PRDM11: variants seen among roughly 807,000 people sequenced by gnomAD.
PRDM11 encodes PR domain-containing protein 11.
A neutral mutation model predicts 97.8 loss-of-function variants in PRDM11; 20 were observed. The observed-to-expected ratio is 0.20, with a 90% CI of 0.14 to 0.30. The LOEUF (loss-of-function observed/expected upper bound fraction) is 0.30, where lower values mean the gene tolerates loss of function less well. Ranked by LOEUF, PRDM11 falls within the 10% of genes least tolerant of loss-of-function variation. The pLI is 1.00. For missense variants in PRDM11, 1,139 were observed against 1,555.2 expected, an observed-to-expected ratio of 0.73 and a Z score of 4.50; for synonymous variants, 599 against 637.7, an observed-to-expected ratio of 0.94 and a Z score of 0.91.
intron 5 of PRDM11, chr11:45,209,260 C>T (rs780272491): frequency 2.1e-5 from 8 of 380,140 alleles, no homozygotes; most frequent in South Asian, 5.8e-5. Flanking sequence ...TTCCCCAGGG[C>T]GGAACTGGAT....
chr11:45,181,944 CG>C (rs1852521418), intron 2 of PRDM11, 59 bp downstream of exon 2: 1 of 1,503,146 alleles, frequency 6.7e-7, no homozygotes, highest in Non-Finnish European at 9.1e-7. Flanking sequence ...TGCCTGGGCT[CG>C]GTTGGTTGGG....
intron 1 of PRDM11, among the ~76,000 whole-genome samples, chr11:45,177,209 C>T (rs1852347763): frequency 6.6e-6 from 1 of 152,248 alleles, no homozygotes; most frequent in African/African-American, 2.4e-5. Flanking sequence ...GAGCTGCAGA[C>T]TCCTGGGCTG....
intron 1 of PRDM11, among the ~76,000 whole-genome samples, chr11:45,123,928 C>T (rs1171568415): frequency 1.4e-5 from 2 of 144,574 alleles, no homozygotes; most frequent in African/African-American, 2.5e-5. Flanking sequence ...CTATAAATTA[C>T]CTTGGGCAGT....
chr11:45,161,338 G>A (rs1032106559), intron 1 of PRDM11, among the ~76,000 whole-genome samples: 14 of 152,232 alleles, frequency 9.2e-5, no homozygotes, highest in African/African-American at 3.1e-4. Context: ...ACTTGGTGAC[G>A]GCTTTGTCCC....
In PRDM11 at chr11:45,226,915, C is replaced by A; in HGVS notation, c.2290C>A (p.Arg764=). ...GCTGTGCCTGCCCTTCATGGTGCACCGGCCCCACCTGGAGATCCTGGATGC... is the reference window on the plus strand; with the variant it reads ...GCTGTGCCTGCCCTTCATGGTGCACAGGCCCCACCTGGAGATCCTGGATGC... ...WLLCLPFMVH[R]PHLEILDAIS... The change falls in exon 8 of 8, where the codon CGG becomes AGG. Residue 764 remains arginine (R), a synonymous_variant. Transcript: ENST00000683152. 1.3e-6 allele frequency: 2 copies of A among 1,533,884 alleles called. No individual in the cohort carries two copies. Among genetic ancestry groups the A allele is most frequent in the South Asian group, 1.2e-5 (1 of 83,962 alleles).
chr11:45,146,970 G>A (rs1458768217), intron 1 of PRDM11, 93 bp downstream of exon 1: 14 of 146,290 alleles, frequency 9.6e-5, no homozygotes, highest in Admixed American at 9.5e-4. Flanking sequence ...GCCGGTGCGG[G>A]GGCCGGGAGC....
At chr11:45,193,561 G>A (rs771134235) in intron 4 of PRDM11, among the ~76,000 whole-genome samples, 1 of 152,308 alleles carries the variant, frequency 6.6e-6, no homozygotes, top group Non-Finnish European at 1.5e-5. Flanking sequence ...TCCAATAAAA[G>A]TTTATTTATA....
chr11:45,096,889 T>C (rs1209538823), intron 1 of PRDM11, among the ~76,000 whole-genome samples: 1 of 152,222 alleles, frequency 6.6e-6, no homozygotes, highest in Non-Finnish European at 1.5e-5. Flanking sequence ...AACTCCTGCC[T>C]GCTCATCTCA....
At chr11:45,146,210 A>AG (rs949965110), upstream of PRDM11, among the ~76,000 whole-genome samples, 1 of 152,098 alleles carries the variant, frequency 6.6e-6, no homozygotes, top group Non-Finnish European at 1.5e-5. Flanking sequence ...TGGGACCGGG[A>AG]GGGGGCCAGC....
intron 1 of PRDM11, among the ~76,000 whole-genome samples, chr11:45,117,912 A>C (rs761392612): frequency 3.3e-5 from 5 of 152,242 alleles, no homozygotes; most frequent in Non-Finnish European, 5.9e-5. Flanking sequence ...CAGGTCTCTA[A>C]GGCCAACATT....
rs1213365338 is a variant in PRDM11, at chr11:45,229,466, A to C, written c.*1307A>C. The C allele has an allele frequency of 3.6e-5, 1 of 27,630 alleles. No homozygotes were observed. Among genetic ancestry groups the C allele is most frequent in the Non-Finnish European group, 1.7e-4 (1 of 5,880 alleles). The allele number at this position is 27,630 out of a possible 1,614,324, so 1.7% of individuals were successfully genotyped here. A position where few individuals can be genotyped will look rare whatever the true frequency, so the allele number is the denominator to read the frequency against. ...ACTCTCAAGGCATCAGCCTACACAG[A>C]CACACACACACACACAGACACACAC... On this transcript the variant is annotated 3_prime_UTR_variant, in exon 8 of 8. Coordinates refer to ENST00000683152, the MANE Select transcript of PRDM11 (RefSeq NM_001384648.1).
chr11:45,226,973 A>T lies in PRDM11; in HGVS notation c.2348A>T (p.Glu783Val). 1 of 1,533,866 alleles carries T rather than the reference A, an allele frequency of 6.5e-7. No individual in the cohort carries two copies. Among genetic ancestry groups the T allele is most frequent in the African/African-American group, 1.4e-5 (1 of 73,056 alleles). The change falls in exon 8 of 8, where the codon GAG becomes GTG. Residue 783 changes from glutamate (E) to valine (V), a missense_variant. Coordinates refer to ENST00000683152, the MANE Select transcript of PRDM11 (RefSeq NM_001384648.1). ...ISGKELPCLE[E>V]LENNLKQLLS... Reference sequence around the variant, plus strand: ...GGGAAGGAGCTCCCATGCCTGGAGGAGCTGGAGAACAACCTGAAGCAGCTG... The same window carrying T: ...GGGAAGGAGCTCCCATGCCTGGAGGTGCTGGAGAACAACCTGAAGCAGCTG...
At chr11:45,177,081 T>C (rs1709628084) in intron 1 of PRDM11, among the ~76,000 whole-genome samples, 1 of 152,194 alleles carries the variant, frequency 6.6e-6, no homozygotes, top group Admixed American at 6.5e-5. Context: ...GAGTAAACCT[T>C]CTAGATTCTC....
chr11:45,202,974 G>T (rs185194898), intron 4 of PRDM11, among the ~76,000 whole-genome samples: 2 of 152,344 alleles, frequency 1.3e-5, no homozygotes, highest in Admixed American at 1.3e-4. Context: ...TCGGGGGCAG[G>T]CCTGTAGGGT....
At chr11:45,138,292 T>C (rs1048665073) in intron 1 of PRDM11, among the ~76,000 whole-genome samples, 2 of 152,132 alleles carry the variant, frequency 1.3e-5, no homozygotes, top group African/African-American at 4.8e-5. Context: ...GGAGGCTGGG[T>C]GTGGTGCTCC....
intron 4 of PRDM11, among the ~76,000 whole-genome samples, chr11:45,188,837 G>A (rs181592610): frequency 6.2e-4 from 94 of 152,328 alleles, no homozygotes; most frequent in South Asian, 8.3e-4. Context: ...GGGGTGCTGC[G>A]CAGCCATGTG....
Position 45,225,995 on chromosome 11 carries a change from C to A in PRDM11, c.1370C>A (p.Ala457Asp). ...TGTTTCTTTCCCATTTGTTTTTCAG[C>A]CTCAGAAAGCATGGTCTCCGGCCCC... ...LELPEFSDPA[A>D]SESMVSGPAI... The change falls in exon 8 of 8, where the codon GCC becomes GAC. Residue 457 changes from alanine (A) to aspartate (D), a missense_variant and splice_region_variant. By Grantham distance (126) the Ala-to-Asp change is moderately radical. This residue lies in a region of PRDM11 where 710 missense variants were observed against 1,044.9 expected (regional missense o/e 0.68). Coordinates refer to ENST00000683152, the MANE Select transcript of PRDM11 (RefSeq NM_001384648.1). The A allele has an allele frequency of 1.3e-6, 2 of 1,481,948 alleles. No individual in the cohort carries two copies. Among genetic ancestry groups the A allele is most frequent in the South Asian group, 1.3e-5 (1 of 77,142 alleles). The allele number at this position is 1,481,948 out of a possible 1,614,324, so 91.8% of individuals were successfully genotyped here. A position where few individuals can be genotyped will look rare whatever the true frequency, so the allele number is the denominator to read the frequency against.
At chr11:45,134,512 A>G (rs1210829327) in intron 1 of PRDM11, among the ~76,000 whole-genome samples, 1 of 151,850 alleles carries the variant, frequency 6.6e-6, no homozygotes, top group Non-Finnish European at 1.5e-5. Context: ...CAGCCTGGGC[A>G]ACACAGCAAA....
chr11:45,097,253 A>G (rs1851897858), intron 1 of PRDM11, among the ~76,000 whole-genome samples: 1 of 152,146 alleles, frequency 6.6e-6, no homozygotes, highest in Non-Finnish European at 1.5e-5. Context: ...GTGACCTTAA[A>G]CAAGTCCTTC....
Sources: allele counts gnomAD v4.1 joint callset (sites outside exome capture counted in the v4.1 genomes callset), GRCh38; gene constraint gnomAD v4.1.1; regional missense constraint gnomAD v4.1.1; transcripts MANE v1.5; gene names NCBI Gene and HGNC (gene_info 2026-07-23, HGNC 2026-07-21).